Variants in FRAS1 observed in about 807,000 individuals in gnomAD.
The protein encoded by FRAS1 is extracellular matrix organizing protein FRAS1.
Under a neutral mutation model 435.2 loss-of-function variants are expected in FRAS1, and 290 were observed. The observed-to-expected ratio is 0.67, with a 90% CI of 0.61 to 0.73. FRAS1 has a LOEUF of 0.73. Ranked by LOEUF, FRAS1 falls within the 30% of genes least tolerant of loss-of-function variation. The pLI is 0.00. For missense variants in FRAS1, 4,860 were observed against 5,001.5 expected (o/e 0.97, Z 0.85); for synonymous variants, 1,800 against 1,851.0 (o/e 0.97, Z 0.71).
At chr4:78,395,368 T>C (rs1025058448) in intron 29 of FRAS1, among the ~76,000 whole-genome samples, 3 of 152,050 alleles carry the variant, frequency 2.0e-5, no homozygotes, top group African/African-American at 7.2e-5. Flanking sequence ...ATACGTCTGT[T>C]ATGTCCATTT....
chr4:78,132,619 A>T (rs1719735243), intron 2 of FRAS1, among the ~76,000 whole-genome samples: 1 of 152,204 alleles, frequency 6.6e-6, no homozygotes, highest in Admixed American at 6.5e-5. Context: ...CTGGTTGTTC[A>T]GGAGACAGGA....
chr4:78,158,334 T>C (rs368407523), intron 2 of FRAS1, among the ~76,000 whole-genome samples: 1 of 152,328 alleles, frequency 6.6e-6, no homozygotes, highest in African/African-American at 2.4e-5. Context: ...TCCATTTGTT[T>C]GTGTCATATA....
chr4:78,081,379 T>G (rs1740885752), intron 2 of FRAS1, among the ~76,000 whole-genome samples: 1 of 152,110 alleles, frequency 6.6e-6, no homozygotes, highest in Non-Finnish European at 1.5e-5. Flanking sequence ...TTAATTAAAT[T>G]TAAATAGTTA....
chr4:78,397,365 A>G (rs986915816), intron 29 of FRAS1, among the ~76,000 whole-genome samples: 2 of 152,064 alleles, frequency 1.3e-5, no homozygotes, highest in African/African-American at 4.8e-5. Context: ...TATTTTCCTC[A>G]TGTTAGTTCC....
chr4:78,385,044 G>A (rs1006256893), intron 28 of FRAS1, among the ~76,000 whole-genome samples: 1 of 152,062 alleles, frequency 6.6e-6, no homozygotes. Flanking sequence ...TAGTGTGCCA[G>A]TGTGGCCATC....
intron 18 of FRAS1, among the ~76,000 whole-genome samples, chr4:78,331,466 C>T (rs1729947390): frequency 6.6e-6 from 1 of 152,152 alleles, no homozygotes; most frequent in South Asian, 2.1e-4. Flanking sequence ...CATATACCAA[C>T]CTGCATGGAA....
rs183494074 is a variant in FRAS1 at position 78,331,252 on chromosome 4, T to G, written c.2138-2020T>G. 1.4e-4 allele frequency among the ~76,000 whole-genome samples: 22 copies of G among 152,322 alleles called. 1 individual carries two copies. The East Asian group carries it at 4.2e-3, about 29-fold the overall frequency. On this transcript the variant is annotated intron_variant, in intron 18 of 73. Coordinates refer to ENST00000512123, the MANE Select transcript of FRAS1 (RefSeq NM_025074.7). ...CTCTTGAATAAAGCTCTGTAGTATA[T>G]CCGGGGATGATGATCAAATATTTAT...
At chr4:78,362,243 C>G (rs1466168149) in intron 20 of FRAS1, among the ~76,000 whole-genome samples, 7 of 152,218 alleles carry the variant, frequency 4.6e-5, no homozygotes. Context: ...CAATTATTTA[C>G]TAACCTCAGT....
chr4:78,151,872 A>G (rs960437523), intron 2 of FRAS1, among the ~76,000 whole-genome samples: 1 of 152,208 alleles, frequency 6.6e-6, no homozygotes, highest in Admixed American at 6.5e-5. Flanking sequence ...TCTTTCTATT[A>G]TAACCAGCAG....
chr4:78,123,961 C>A (rs190549535), intron 2 of FRAS1, among the ~76,000 whole-genome samples: 4 of 152,258 alleles, frequency 2.6e-5, no homozygotes, highest in Admixed American at 2.6e-4. Flanking sequence ...AATTGAATAC[C>A]TTTTATTTCT....
At chr4:78,478,127 G>A (rs1317489729) in intron 55 of FRAS1, 66 bp downstream of exon 55, 9 of 1,478,688 alleles carry the variant, frequency 6.1e-6, no homozygotes, top group Non-Finnish European at 8.2e-6. Context: ...TTCCTATTAT[G>A]TGCTAAGCAC....
At chr4:78,062,975 T>C (rs1739824200) in intron 1 of FRAS1, among the ~76,000 whole-genome samples, 1 of 152,224 alleles carries the variant, frequency 6.6e-6, no homozygotes, top group Non-Finnish European at 1.5e-5. Context: ...CTCCGGTTTT[T>C]CCTCAGTTTT....
At chr4:78,526,515 TCA>T in intron 69 of FRAS1, 24 bp from the exon 70 acceptor site, 1 of 1,474,698 alleles carries the variant, frequency 6.8e-7, no homozygotes, top group Non-Finnish European at 9.3e-7. Context: ...TTCCCTACGA[TCA>T]CAGTCTGCTC....
intron 30 of FRAS1, among the ~76,000 whole-genome samples, chr4:78,402,553 A>G (rs1732932286): frequency 6.6e-6 from 1 of 152,208 alleles, no homozygotes; most frequent in Non-Finnish European, 1.5e-5. Context: ...TAGACTAAAC[A>G]GTTGCAAAAA....
At chr4:78,306,655 C>T (rs1287285850) in intron 14 of FRAS1, among the ~76,000 whole-genome samples, 1 of 149,254 alleles carries the variant, frequency 6.7e-6, no homozygotes, top group Admixed American at 6.7e-5. Context: ...TTGATCGCAT[C>T]GGCTCCTGAG....
rs115073076 is a variant in FRAS1, at chr4:78,188,887, C to T, written c.109-48623C>T. 1.7e-3 allele frequency among the ~76,000 whole-genome samples: 258 copies of T among 152,236 alleles called. 1 individual carries two copies. The highest frequency in any genetic ancestry group is 6.0e-3 in the African/African-American group (251 of 41,524). On this transcript the variant is annotated intron_variant, in intron 2 of 73. Coordinates refer to ENST00000512123, the MANE Select transcript of FRAS1 (RefSeq NM_025074.7). Reference sequence around the variant, plus strand: ...GCTATAAATGACTATAAAAGGGCAGCGGTATGGATGGACAGTCATAAAAAC... The same window carrying T: ...GCTATAAATGACTATAAAAGGGCAGTGGTATGGATGGACAGTCATAAAAAC...
chr4:78,428,383 T>C (rs1184487329), intron 35 of FRAS1, among the ~76,000 whole-genome samples: 1 of 151,948 alleles, frequency 6.6e-6, no homozygotes, highest in Non-Finnish European at 1.5e-5. Flanking sequence ...AGTGCAGTGG[T>C]GCAATCTCGG....
At chr4:78,199,165 T>C (rs1487658337) in intron 2 of FRAS1, among the ~76,000 whole-genome samples, 1 of 152,238 alleles carries the variant, frequency 6.6e-6, no homozygotes, top group Admixed American at 6.5e-5. Flanking sequence ...TATTTGTTGA[T>C]AGATTGGTTT....
At chr4:78,193,389 T>G (rs143936267) in intron 2 of FRAS1, among the ~76,000 whole-genome samples, 10,552 of 152,236 alleles carry the variant, frequency 0.069, 500 homozygotes, top group Non-Finnish European at 0.1. Flanking sequence ...TTTCCCATTA[T>G]TATTGTGTGG....
Sources: allele counts gnomAD v4.1 joint callset (sites outside exome capture counted in the v4.1 genomes callset), GRCh38; gene constraint gnomAD v4.1.1; transcripts MANE v1.5; gene names NCBI Gene and HGNC (gene_info 2026-07-23, HGNC 2026-07-21).